TUBGCP4: variants seen among roughly 807,000 people sequenced by gnomAD.
TUBGCP4 encodes gamma-tubulin complex component 4.
TUBGCP4 carries 54 observed loss-of-function variants against 91.6 expected under a neutral mutation model. The ratio of observed to expected loss-of-function variants is 0.59; its 90% CI spans 0.47 to 0.74. The LOEUF is 0.74. TUBGCP4 is among the 30% of genes least tolerant of loss of function. The pLI, the probability that TUBGCP4 is intolerant of heterozygous loss-of-function variation, is 0.00. For missense variants in TUBGCP4, 593 were observed against 800.9 expected, an observed-to-expected ratio of 0.74 and a Z score of 3.13; for synonymous variants, 297 against 302.8, an observed-to-expected ratio of 0.98 and a Z score of 0.20.
At chr15:43,391,348 A>C (rs2044465077) in intron 9 of TUBGCP4, 1 of 152,164 alleles carries the variant, frequency 6.6e-6, no homozygotes. Flanking sequence ...TACAGGTGCA[A>C]ATCACCATGC....
chr15:43,399,946 T>G, intron 13 of TUBGCP4, 98 bp from the exon 14 acceptor site: 22 of 779,270 alleles, frequency 2.8e-5, no homozygotes, highest in Non-Finnish European at 4.2e-5. Context: ...TGCCTGTTTG[T>G]GAGAGGAGTG....
Position 43,398,192 on chromosome 15 carries a change from G to C in TUBGCP4, c.1418+13G>C. ...CTGTCCTGGAAAAGTGAGTATTTCT[G>C]AGTTTCTCACAGGTAAATATGACCC... On this transcript the variant is annotated intron_variant, in intron 13 of 17. Transcript: ENST00000564079. 1 of 1,606,718 alleles carries C rather than the reference G, an allele frequency of 6.2e-7. No individual in the cohort carries two copies. The highest frequency in any genetic ancestry group is 8.5e-7 in the Non-Finnish European group (1 of 1,175,912).
intron 1 of TUBGCP4, among the ~76,000 whole-genome samples, chr15:43,373,974 G>A (rs113996213): frequency 0.024 from 3,654 of 152,210 alleles, 145 homozygotes; most frequent in African/African-American, 0.084. Context: ...CTTAAGCACC[G>A]TGTTGTGCAA....
At chr15:43,394,789 T>G (rs554831385) in intron 9 of TUBGCP4, 31 of 371,056 alleles carry the variant, frequency 8.4e-5, no homozygotes, top group African/African-American at 5.9e-4. Flanking sequence ...TCCTGCCATG[T>G]GAGACGCCTT....
At chr15:43,376,957 TC>T in intron 3 of TUBGCP4, 56 bp from the exon 4 acceptor site, 1 of 1,396,504 alleles carries the variant, frequency 7.2e-7, no homozygotes, top group African/African-American at 1.4e-5. Flanking sequence ...TTTTCATAGA[TC>T]AAATAGATTT....
intron 14 of TUBGCP4, 56 bp downstream of exon 14, chr15:43,400,277 G>C (rs2044651526): frequency 6.5e-7 from 1 of 1,527,858 alleles, no homozygotes; most frequent in African/African-American, 1.4e-5. Context: ...CTAGGAGGTT[G>C]GCAGGGAGTA....
chr15:43,409,294 C>T lies in TUBGCP4; in HGVS notation c.*4080C>T, dbSNP rs2045033458. 6 of 605,802 alleles carry T rather than the reference C, an allele frequency of 9.9e-6. No individual in the cohort carries two copies. The highest frequency in any genetic ancestry group is 1.7e-5 in the Non-Finnish European group (6 of 342,984). 37.5% of individuals were successfully genotyped at this position (605,802 alleles called of 1,614,324 possible). A position where few individuals can be genotyped will look rare whatever the true frequency, so the allele number is the denominator to read the frequency against. ...TCCATAGATGTTCTCTCTGCCTCACCTGCAGCATACTGAGGACCTAAATCC... is the reference window on the plus strand; with the variant it reads ...TCCATAGATGTTCTCTCTGCCTCACTTGCAGCATACTGAGGACCTAAATCC... On this transcript the variant is annotated 3_prime_UTR_variant, in exon 18 of 18. Transcript: ENST00000564079.
rs564709743 is a variant in TUBGCP4, at chr15:43,376,439, A to G, written c.208-64A>G. 7 of 1,613,850 alleles carry G rather than the reference A, an allele frequency of 4.3e-6. No individual in the cohort carries two copies. The African/African-American group carries it at 9.3e-5, about 22-fold the overall frequency. ...ATAACTTTTAAAAGAAACAAGCCTGATAATGTCTTTCTCAGGTTTCAGGGC... is the reference window on the plus strand; with the variant it reads ...ATAACTTTTAAAAGAAACAAGCCTGGTAATGTCTTTCTCAGGTTTCAGGGC... On this transcript the variant is annotated intron_variant, in intron 2 of 17. Transcript: ENST00000564079.
Position 43,398,149 on chromosome 15 carries a change from A to T in TUBGCP4, c.1388A>T (p.His463Leu). The change falls in exon 13 of 18, where the codon CAT becomes CTT. Residue 463 changes from histidine (H) to leucine (L), a missense_variant. Physicochemically the swap from His to Leu is moderately conservative, Grantham distance 99 (BLOSUM62 -3). Coordinates refer to ENST00000564079, the MANE Select transcript of TUBGCP4 (RefSeq NM_014444.5). ...GLSYKVQWPL[H>L]ILFTPAVLEK... ...TCCTACAAAGTACAGTGGCCACTACATATTCTCTTCACCCCAGCTGTCCTG... is the reference window on the plus strand; with the variant it reads ...TCCTACAAAGTACAGTGGCCACTACTTATTCTCTTCACCCCAGCTGTCCTG... The T allele has an allele frequency of 6.2e-7, 1 of 1,613,728 alleles. No homozygotes were observed. Among genetic ancestry groups the T allele is most frequent in the Non-Finnish European group, 8.5e-7 (1 of 1,179,748 alleles).
Position 43,400,132 on chromosome 15 carries a change from C to T in TUBGCP4, c.1507C>T (p.His503Tyr). The T allele has an allele frequency of 6.2e-7, 1 of 1,614,200 alleles. No homozygotes were observed. Among genetic ancestry groups the T allele is most frequent in the Non-Finnish European group, 8.5e-7 (1 of 1,180,042 alleles). Residue 503 changes from histidine to tyrosine, a missense_variant, in exon 14 of 18, where the codon CAC becomes TAC. Transcript: ENST00000564079. The part of the protein sequence containing the change: ...HCWALQMQRK[H>Y]LKSNQTDAIK... ...CTGGGCCCTACAAATGCAGCGCAAG[C>T]ACCTCAAGTCGAACCAGACTGATGC...
At position 43,403,576 on chromosome 15, in the gene TUBGCP4, GTCAGCTATTAATTAGA is replaced by G. The variant is rs1209483513; in HGVS notation, c.1732-94_1732-79del. The G allele has an allele frequency of 8.5e-6, 7 of 826,976 alleles. No individual in the cohort carries two copies. In the African/African-American group the frequency reaches 1.2e-4, roughly 14 times the overall value. The allele number at this position is 826,976 out of a possible 1,614,324, so 51.2% of individuals were successfully genotyped here. On this transcript the variant is annotated intron_variant, in intron 15 of 17. Coordinates refer to ENST00000564079, the MANE Select transcript of TUBGCP4 (RefSeq NM_014444.5). ...GTGTCTATCCTGTCAGATTTGGGAG[GTCAGCTATTAATTAGA>G]TCAGCTATTAATCAGACTGTTCTCC...
Position 43,407,843 on chromosome 15 carries a change from G to T in TUBGCP4, c.*2629G>T. On this transcript the variant is annotated 3_prime_UTR_variant, in exon 18 of 18. Transcript: ENST00000564079. ...TTTCTTCTCTAAGAAACATGGATAC[G>T]GTCAACCTATTAGGCCTGAGCCTTG... 8.1e-7 allele frequency: 1 copy of T among 1,227,908 alleles called. No individual in the cohort carries two copies. The highest frequency in any genetic ancestry group is 1.1e-6 in the Non-Finnish European group (1 of 884,648). The allele number at this position is 1,227,908 out of a possible 1,614,324, so 76.1% of individuals were successfully genotyped here.
intron 9 of TUBGCP4, among the ~76,000 whole-genome samples, chr15:43,386,725 CAAAAAAAAAAA>C (rs10718458): frequency 3.0e-5 from 2 of 67,012 alleles, no homozygotes; most frequent in Non-Finnish European, 5.8e-5. Context: ...ACTCTGTCTC[CAAAAAAAAAAA>C]AAAAAAAAAA....
Position 43,405,402 on chromosome 15 carries a change from G to C in TUBGCP4, c.*188G>C. The C allele has an allele frequency of 1.6e-6, 1 of 634,762 alleles. No homozygotes were observed. Among genetic ancestry groups the C allele is most frequent in the Non-Finnish European group, 2.8e-6 (1 of 360,632 alleles). 39.3% of individuals were successfully genotyped at this position (634,762 alleles called of 1,614,324 possible). A position where few individuals can be genotyped will look rare whatever the true frequency, so the allele number is the denominator to read the frequency against. ...TCCTTCCCATCATTCCCATGTGGAA[G>C]GGTCTCTCCCATCAAGGAGAACATG... On this transcript the variant is annotated 3_prime_UTR_variant, in exon 18 of 18. Transcript: ENST00000564079.
At chr15:43,401,179 A>G (rs566931521) in intron 14 of TUBGCP4, among the ~76,000 whole-genome samples, 2 of 144,452 alleles carry the variant, frequency 1.4e-5, no homozygotes, top group African/African-American at 5.2e-5. Flanking sequence ...GGCTGGGCGC[A>G]GTGGCTCACA....
At position 43,397,305 on chromosome 15, in the gene TUBGCP4, C is replaced by G. The variant is rs372562661; in HGVS notation, c.1263C>G (p.His421Gln). 3.1e-6 allele frequency: 5 copies of G among 1,613,858 alleles called. No homozygotes were observed. ...TGTTGCACTTGACAATCGAGTATCA[C>G]GGAAAGGAGCACAAAGGTTTGCCAT... ...LPLLHLTIEY[H>Q]GKEHKDATQA... Residue 421 changes from histidine to glutamine, a missense_variant, in exon 12 of 18, where the codon CAC becomes CAG. His to Gln is a conservative substitution (Grantham distance 24, BLOSUM62 0). Transcript: ENST00000564079.
At chr15:43,385,245 G>T in intron 7 of TUBGCP4, 1 of 400,404 alleles carries the variant, frequency 2.5e-6, no homozygotes, top group South Asian at 1.8e-5. Flanking sequence ...TGGGGCCCTT[G>T]GGTGGCTTCA....
At chr15:43,394,920 C>A in intron 9 of TUBGCP4, 187 bp from the exon 10 acceptor site, 1 of 608,536 alleles carries the variant, frequency 1.6e-6, no homozygotes, top group Non-Finnish European at 2.9e-6. Context: ...CATTAATTAC[C>A]CAGTCTAAGG....
At chr15:43,383,821 A>G (rs767832290) in intron 7 of TUBGCP4, among the ~76,000 whole-genome samples, 2 of 151,938 alleles carry the variant, frequency 1.3e-5, no homozygotes, top group Non-Finnish European at 2.9e-5. Context: ...TTTTTTTTAA[A>G]GACAGATTCT....
Sources: gnomAD v4.1 joint callset for allele counts (sites outside exome capture counted in the v4.1 genomes callset) on GRCh38, gnomAD v4.1.1 for gene constraint, MANE v1.5 for transcripts, NCBI Gene and HGNC (gene_info 2026-07-23, HGNC 2026-07-21) for gene names.